The following PPP1R9B variants were observed in gnomAD, a reference collection of about 807,000 sequenced individuals.
PPP1R9B encodes neurabin-2.
In PPP1R9B, 17 loss-of-function variants were observed where a neutral mutation model predicts 75.8. The ratio of observed to expected loss-of-function variants is 0.22; its 90% CI spans 0.15 to 0.34. The LOEUF (loss-of-function observed/expected upper bound fraction) is 0.34, where lower values mean the gene tolerates loss of function less well. Among genes scored for constraint, PPP1R9B ranks in the 10% least tolerant of loss-of-function variants. The pLI is 1.00. For synonymous variants in PPP1R9B, 509 were observed against 535.4 expected, an observed-to-expected ratio of 0.95 and a Z score of 0.68; for missense variants, 875 against 1,196.0, an observed-to-expected ratio of 0.73 and a Z score of 3.96.
At chr17:50,144,115 C>G (rs144672560) in intron 2 of PPP1R9B, among the ~76,000 whole-genome samples, 2 of 152,096 alleles carry the variant, frequency 1.3e-5, no homozygotes, top group African/African-American at 2.4e-5. Flanking sequence ...CTTCAAGGAC[C>G]AAAGACCTCC....
At position 50,134,853 on chromosome 17, in the gene PPP1R9B, T is replaced by G; in HGVS notation, c.*478A>C. 2 of 168,282 alleles carry G rather than the reference T, an allele frequency of 1.2e-5. No individual in the cohort carries two copies. The highest frequency in any genetic ancestry group is 1.5e-4 in the South Asian group (1 of 6,724). 10.4% of individuals were successfully genotyped at this position (168,282 alleles called of 1,614,324 possible). ...TCAGAATGCAACAGAGACGGCACAA[T>G]GATGGGGGGAGAGGGAAGGGCCGAG... On this transcript the variant is annotated 3_prime_UTR_variant, in exon 10 of 10. Transcript: ENST00000612501.
Position 50,150,046 on chromosome 17 carries a change from T to A in PPP1R9B, c.468A>T (p.Pro156=). ...ETRKLFERSA[P]AAAGGDKEAA... is the part of the protein sequence containing the mutation. The stretch of plus-strand genomic sequence containing the variant: ...CCTCCTTGTCGCCGCCTGCGGCCGC[T>A]GGGGCGCTCCGTTCGAACAGCTTCC... Residue 156 remains proline, a synonymous_variant, in exon 1 of 10, where the codon CCA becomes CCT. Transcript: ENST00000612501. This position sits in a 1 kb window ranked among gnomAD's most constrained non-coding sequence, Gnocchi z 8.7. The A allele has an allele frequency of 6.8e-7, 1 of 1,464,686 alleles. No individual in the cohort carries two copies. The highest frequency in any genetic ancestry group is 8.9e-7 in the Non-Finnish European group (1 of 1,117,488). The allele number at this position is 1,464,686 out of a possible 1,614,324, so 90.7% of individuals were successfully genotyped here.
intron 3 of PPP1R9B, 138 bp downstream of exon 3, chr17:50,143,460 C>T (rs1004811115): frequency 7.1e-6 from 8 of 1,119,060 alleles, no homozygotes; most frequent in East Asian, 2.6e-5. Context: ...CAGTGCTCCC[C>T]GAACATCTCA....
chr17:50,136,996 AG>A (rs1473896855), intron 7 of PPP1R9B, among the ~76,000 whole-genome samples: 1 of 152,202 alleles, frequency 6.6e-6, no homozygotes, highest in African/African-American at 2.4e-5. Context: ...GTCTCAGGCC[AG>A]TATTTGCTGC....
At position 50,139,402 on chromosome 17, in the gene PPP1R9B, A is replaced by G. The variant is rs1203246534; in HGVS notation, c.2019+27T>C. 2 of 1,612,602 alleles carry G rather than the reference A, an allele frequency of 1.2e-6. No individual in the cohort carries two copies. Among genetic ancestry groups the G allele is most frequent in the Admixed American group, 3.3e-5 (2 of 60,010 alleles). ...AGGAGACCTGCCTGCCTTTCCCTCCACCACTCCAGGGAGCCCCTCCTCCCA... is the reference window on the plus strand; with the variant it reads ...AGGAGACCTGCCTGCCTTTCCCTCCGCCACTCCAGGGAGCCCCTCCTCCCA... On this transcript the variant is annotated intron_variant, in intron 6 of 9. Coordinates refer to ENST00000612501, the MANE Select transcript of PPP1R9B (RefSeq NM_032595.5). The surrounding 1 kb of genome is among the most constrained non-coding windows in gnomAD (Gnocchi z 5.0).
At chr17:50,145,570 A>G (rs1186166941) in intron 1 of PPP1R9B, among the ~76,000 whole-genome samples, 1 of 152,180 alleles carries the variant, frequency 6.6e-6, no homozygotes, top group Non-Finnish European at 1.5e-5. Context: ...AGGAACCCAG[A>G]CACCCAGATA....
rs141443686 is a variant in PPP1R9B, at chr17:50,140,903, G to A, written c.1730+366C>T. On this transcript the variant is annotated intron_variant, in intron 4 of 9. Transcript: ENST00000612501. Reference sequence around the variant, plus strand: ...GACATAGGGCTGGTCGGGGTGGGGGGCATGAGGTCCCAATGAGGGGACCCC... The same window carrying A: ...GACATAGGGCTGGTCGGGGTGGGGGACATGAGGTCCCAATGAGGGGACCCC... 2.4e-4 allele frequency among the ~76,000 whole-genome samples: 36 copies of A among 152,262 alleles called. No individual in the cohort carries two copies. The East Asian group carries it at 6.8e-3, about 29-fold the overall frequency.
In PPP1R9B at chr17:50,145,201, CTCGTTGCGACGA is replaced by C; in HGVS notation, c.1404_1415del (p.Asp468_Asn471del). The C allele has an allele frequency of 6.2e-7, 1 of 1,614,010 alleles. No homozygotes were observed. The highest frequency in any genetic ancestry group is 8.5e-7 in the Non-Finnish European group (1 of 1,179,896). On this transcript the variant is annotated inframe_deletion, in exon 2 of 10. Transcript: ENST00000612501. ...CAGAGGCTGCCATGGGATCCACATC[CTCGTTGCGACGA>C]TCGTAATCCTCGTTGGAGTAAGTGC...
intron 1 of PPP1R9B, chr17:50,146,135 T>C (rs2144453721): frequency 6.6e-6 from 1 of 152,568 alleles, no homozygotes; most frequent in Non-Finnish European, 1.5e-5. Context: ...ACCCCTCTGT[T>C]GTCTCTCTCC....
chr17:50,137,559 C>G (rs1912262551), intron 7 of PPP1R9B, among the ~76,000 whole-genome samples: 1 of 152,136 alleles, frequency 6.6e-6, no homozygotes, highest in Non-Finnish European at 1.5e-5. Flanking sequence ...GACCCTCTGC[C>G]TATACTCTGA....
chr17:50,145,063 C>G, intron 2 of PPP1R9B, 50 bp downstream of exon 2: 1 of 1,600,588 alleles, frequency 6.2e-7, no homozygotes, highest in Non-Finnish European at 8.5e-7. Flanking sequence ...GAGATGAGAC[C>G]CGGGTCAACC....
At chr17:50,141,135 C>T in intron 4 of PPP1R9B, 134 bp downstream of exon 4, 2 of 620,032 alleles carry the variant, frequency 3.2e-6, no homozygotes, top group Non-Finnish European at 5.6e-6. Flanking sequence ...ACAGCAACTC[C>T]TGCAGCCAAG....
chr17:50,135,883 C>T, intron 8 of PPP1R9B, 85 bp downstream of exon 8: 1 of 1,138,436 alleles, frequency 8.8e-7, no homozygotes, highest in Non-Finnish European at 1.2e-6. Flanking sequence ...TGCCTCCCTA[C>T]TCAGCTGGAG....
intron 3 of PPP1R9B, 143 bp downstream of exon 3, chr17:50,143,455 C>A (rs1466507984): frequency 5.8e-6 from 6 of 1,040,524 alleles, no homozygotes; most frequent in Non-Finnish European, 5.6e-6. Flanking sequence ...CATGGCAGTG[C>A]TCCCCGAACA....
Position 50,150,068 on chromosome 17 carries a change from T to C in PPP1R9B, c.446A>G (p.Lys149Arg). The C allele has an allele frequency of 2.8e-6, 4 of 1,442,452 alleles. No individual in the cohort carries two copies. The highest frequency in any genetic ancestry group is 3.6e-6 in the Non-Finnish European group (4 of 1,104,944). The allele number at this position is 1,442,452 out of a possible 1,614,324, so 89.4% of individuals were successfully genotyped here. Residue 149 changes from lysine (K) to arginine (R), a missense_variant, in exon 1 of 10, where the codon AAG becomes AGG. By Grantham distance (26) the Lys-to-Arg change is conservative. Transcript: ENST00000612501. The surrounding 1 kb of genome is among the most constrained non-coding windows in gnomAD (Gnocchi z 8.7). ...HPPSRLQETR[K>R]LFERSAPAAA... ...CGCTGGGGCGCTCCGTTCGAACAGC[T>C]TCCGCGTCTCCTGCAGCCGGGACGG...
rs544250421 is a variant in PPP1R9B, at chr17:50,142,645, A to G, written c.1625+953T>C. 6.6e-6 allele frequency among the ~76,000 whole-genome samples: 1 copy of G among 151,994 alleles called. No individual in the cohort carries two copies. ...GAGGTACCACCACAAGAGATCCCCAATGTCACCTCTAACTTACAGCCACCC... is the reference window on the plus strand; with the variant it reads ...GAGGTACCACCACAAGAGATCCCCAGTGTCACCTCTAACTTACAGCCACCC... On this transcript the variant is annotated intron_variant, in intron 3 of 9. Coordinates refer to ENST00000612501, the MANE Select transcript of PPP1R9B (RefSeq NM_032595.5). This position sits in a 1 kb window ranked among gnomAD's most constrained non-coding sequence, Gnocchi z 4.1.
At chr17:50,147,409 T>C (rs1912543423) in intron 1 of PPP1R9B, among the ~76,000 whole-genome samples, 1 of 151,968 alleles carries the variant, frequency 6.6e-6, no homozygotes, top group Non-Finnish European at 1.5e-5. Flanking sequence ...GTGGGGCCCC[T>C]GTGCCAGGGT....
At chr17:50,146,892 G>A (rs965679566) in intron 1 of PPP1R9B, among the ~76,000 whole-genome samples, 1 of 152,190 alleles carries the variant, frequency 6.6e-6, no homozygotes, top group African/African-American at 2.4e-5. Context: ...TCTGGGACAG[G>A]GCTGATGTGA....
rs188506814 is a variant in PPP1R9B, at chr17:50,149,205, G to A, written c.1309C>T (p.Leu437=). 1.6e-4 allele frequency: 258 copies of A among 1,600,710 alleles called. 1 individual carries two copies. In the African/African-American group the frequency reaches 2.8e-3, roughly 17 times the overall value. ...PESGCVEIPG[L]SEEEDPAPSR... ...GGGGCTGGGTCCTCCTCCTCCGACA[G>A]CCCCGGGATCTCCACGCACCCCGAC... Residue 437 remains leucine (L), a synonymous_variant, in exon 1 of 10, where the codon CTG becomes TTG. Transcript: ENST00000612501. This position sits in a 1 kb window ranked among gnomAD's most constrained non-coding sequence, Gnocchi z 7.2.
Sources: gnomAD v4.1 joint callset for allele counts (sites outside exome capture counted in the v4.1 genomes callset) on GRCh38, gnomAD v4.1.1 for gene constraint, Gnocchi (gnomAD v3.1) non-coding constraint, MANE v1.5 for transcripts, NCBI Gene and HGNC (gene_info 2026-07-23, HGNC 2026-07-21) for gene names.